Variants in RHBDL2 observed in about 807,000 individuals in gnomAD.
RHBDL2 encodes rhomboid-related protein 2.
RHBDL2 carries 26 observed loss-of-function variants against 31.7 expected under a neutral mutation model. The observed-to-expected ratio is 0.82, with a 90% CI of 0.60 to 1.14. The LOEUF is 1.14. Ranked by LOEUF, RHBDL2 falls within the 50% of genes most tolerant of loss-of-function variation. The probability of loss-of-function intolerance (pLI) is 0.00; values close to 1 mark genes in which losing one functional copy is unlikely to be tolerated. For synonymous variants in RHBDL2, 123 were observed against 127.2 expected, an observed-to-expected ratio of 0.97 and a Z score of 0.22; for missense variants, 336 against 364.4, an observed-to-expected ratio of 0.92 and a Z score of 0.63.
At chr1:38,934,959 A>C (rs1570944527) in intron 1 of RHBDL2, among the ~76,000 whole-genome samples, 1 of 61,186 alleles carries the variant, frequency 1.6e-5, no homozygotes, top group Non-Finnish European at 2.9e-5. Context: ...CTCAGTCGCA[A>C]AAAAAAAAAA....
At chr1:38,918,853 C>T (rs1327715285) in intron 2 of RHBDL2, 114 bp downstream of exon 2, 2 of 1,316,084 alleles carry the variant, frequency 1.5e-6, no homozygotes, top group African/African-American at 2.9e-5. Flanking sequence ...TCCCCATCCC[C>T]ACGAAGCTCT....
intron 4 of RHBDL2, among the ~76,000 whole-genome samples, chr1:38,904,476 A>T (rs1643035111): frequency 1.5e-5 from 2 of 136,186 alleles, no homozygotes; most frequent in African/African-American, 6.0e-5. Context: ...CGTCTCAAAA[A>T]AAAAAGAAAA....
chr1:38,929,625 G>C, intron 1 of RHBDL2: 1 of 1,245,600 alleles, frequency 8.0e-7, no homozygotes, highest in Non-Finnish European at 1.0e-6. Context: ...TGTGGCTGGG[G>C]AGCTCAGGAG....
chr1:38,926,030 T>C (rs1484770702), intron 1 of RHBDL2: 1 of 1,256,826 alleles, frequency 8.0e-7, no homozygotes, highest in South Asian at 1.3e-5. Context: ...TAGTCGTCAT[T>C]TGTCAGTTTT....
At chr1:38,911,189 A>T (rs575665364) in intron 4 of RHBDL2, 133 bp downstream of exon 4, 1 of 596,226 alleles carries the variant, frequency 1.7e-6, no homozygotes, top group African/African-American at 1.8e-5. Flanking sequence ...TCTAAGGCTT[A>T]ATGTGTTCCC....
chr1:38,926,973 C>T (rs1643384646), intron 1 of RHBDL2: 1 of 152,158 alleles, frequency 6.6e-6, no homozygotes, highest in South Asian at 2.1e-4. Context: ...GCATTCCATA[C>T]AAAACATCAG....
At chr1:38,914,730 A>C (rs1643205164) in intron 3 of RHBDL2, among the ~76,000 whole-genome samples, 1 of 151,946 alleles carries the variant, frequency 6.6e-6, no homozygotes, top group Admixed American at 6.6e-5. Context: ...TTATAATGCA[A>C]TATAAAGTAT....
At chr1:38,926,032 G>A (rs1557622071) in intron 1 of RHBDL2, 1 of 1,256,176 alleles carries the variant, frequency 8.0e-7, no homozygotes, top group Non-Finnish European at 1.0e-6. Context: ...GTCGTCATTT[G>A]TCAGTTTTCT....
intron 1 of RHBDL2, among the ~76,000 whole-genome samples, chr1:38,941,214 A>G (rs960870090): frequency 9.9e-5 from 15 of 152,226 alleles, no homozygotes; most frequent in Non-Finnish European, 5.9e-5. Flanking sequence ...AAGGAAACAA[A>G]TAACTCTGGA....
At chr1:38,913,663 T>G (rs1406538133) in intron 3 of RHBDL2, 2 of 152,124 alleles carry the variant, frequency 1.3e-5, no homozygotes, top group Admixed American at 1.3e-4. Context: ...CAAGTCGTTT[T>G]CAAGTCCAGA....
chr1:38,922,218 G>C (rs1320065353), intron 1 of RHBDL2, among the ~76,000 whole-genome samples: 2 of 150,850 alleles, frequency 1.3e-5, no homozygotes, highest in Non-Finnish European at 2.9e-5. Flanking sequence ...GCTACTTCAG[G>C]CTCTAGCACC....
chr1:38,897,764 G>GTA (rs1465593993), intron 4 of RHBDL2, among the ~76,000 whole-genome samples: 4 of 152,036 alleles, frequency 2.6e-5, no homozygotes, highest in African/African-American at 9.7e-5. Flanking sequence ...AGAGAAGAAG[G>GTA]TATTCAGGAC....
intron 1 of RHBDL2, among the ~76,000 whole-genome samples, chr1:38,934,233 A>G (rs1304426328): frequency 1.3e-5 from 2 of 152,064 alleles, no homozygotes; most frequent in East Asian, 3.9e-4. Context: ...CTGTAATCCC[A>G]GCTACTCAGG....
intron 1 of RHBDL2, among the ~76,000 whole-genome samples, chr1:38,931,382 G>A (rs571724416): frequency 3.3e-5 from 5 of 152,200 alleles, no homozygotes; most frequent in Admixed American, 6.5e-5. Flanking sequence ...TTAGCTGGGC[G>A]TGTTGGCGGG....
intron 1 of RHBDL2, among the ~76,000 whole-genome samples, chr1:38,920,493 A>G (rs1643297981): frequency 6.6e-6 from 1 of 151,412 alleles, no homozygotes. Flanking sequence ...TTAATGGCTG[A>G]ATGCTATTGC....
rs1357529320 is a variant in RHBDL2 at position 38,885,996 on chromosome 1, G to A, written c.*508C>T. The A allele has an allele frequency of 6.6e-6, 1 of 152,246 alleles. No individual in the cohort carries two copies. Among genetic ancestry groups the A allele is most frequent in the Non-Finnish European group, 1.5e-5 (1 of 68,106 alleles). 9.4% of individuals were successfully genotyped at this position (152,246 alleles called of 1,614,324 possible). A position where few individuals can be genotyped will look rare whatever the true frequency, so the allele number is the denominator to read the frequency against. ...GACCGAGTGTCGCTCTGTCACCCAG[G>A]CTGGAGTGCAGTGGCGCAATCTCGG... On this transcript the variant is annotated 3_prime_UTR_variant, in exon 8 of 8. Transcript: ENST00000372990.
rs969935861 is a variant in RHBDL2 at position 38,929,583 on chromosome 1, C to T, written c.-125-10246G>A. On this transcript the variant is annotated intron_variant, in intron 1 of 7. Transcript: ENST00000372990. ...GCCCCACCCATTCATTGGTACCAGGCAGGCCCCTGCCGGGGCTGAGACCCG... is the reference window on the plus strand; with the variant it reads ...GCCCCACCCATTCATTGGTACCAGGTAGGCCCCTGCCGGGGCTGAGACCCG... The T allele has an allele frequency of 2.3e-6, 3 of 1,284,124 alleles. No homozygotes were observed. In the African/African-American group the frequency reaches 4.6e-5, roughly 20 times the overall value. 79.5% of individuals were successfully genotyped at this position (1,284,124 alleles called of 1,614,324 possible).
chr1:38,927,890 C>A (rs1643395373), intron 1 of RHBDL2, among the ~76,000 whole-genome samples: 1 of 152,056 alleles, frequency 6.6e-6, no homozygotes, highest in Non-Finnish European at 1.5e-5. Context: ...CCCAAAGTAA[C>A]TTACTCAAGG....
rs1642785877 is a variant in RHBDL2, at chr1:38,886,482, A to G, written c.*22T>C. 6 of 1,468,882 alleles carry G rather than the reference A, an allele frequency of 4.1e-6. No homozygotes were observed. Among genetic ancestry groups the G allele is most frequent in the Non-Finnish European group, 5.5e-6 (6 of 1,099,304 alleles). The allele number at this position is 1,468,882 out of a possible 1,614,324, so 91.0% of individuals were successfully genotyped here. ...TTCCTCCAGATGGCTCTTTTTATTA[A>G]TTGACTTACAATAGGGGCAGGTCAG... On this transcript the variant is annotated 3_prime_UTR_variant, in exon 8 of 8. Transcript: ENST00000372990.
Sources: allele counts gnomAD v4.1 joint callset (sites outside exome capture counted in the v4.1 genomes callset), GRCh38; gene constraint gnomAD v4.1.1; transcripts MANE v1.5; gene names NCBI Gene and HGNC (gene_info 2026-07-23, HGNC 2026-07-21).